Variants in TBC1D22B observed in about 807,000 individuals in gnomAD.
TBC1D22B encodes TBC1 domain family member 22B.
TBC1D22B carries 32 observed loss-of-function variants against 69.1 expected under a neutral mutation model. That is an observed-to-expected ratio of 0.46 (90% CI 0.35 to 0.62). The LOEUF (loss-of-function observed/expected upper bound fraction) is 0.62. TBC1D22B is among the 20% of genes least tolerant of loss of function. The pLI, the probability that TBC1D22B is intolerant of heterozygous loss-of-function variation, is 0.00. For missense variants in TBC1D22B, 462 were observed against 630.9 expected (o/e 0.73, Z 2.87); for synonymous variants, 206 against 229.8 (o/e 0.90, Z 0.94).
chr6:37,302,556 GAA>G lies in TBC1D22B; in HGVS notation c.983-10361_983-10360del, dbSNP rs533385657. Among the ~76,000 whole-genome samples, 117 of 152,328 alleles carry G rather than the reference GAA, an allele frequency of 7.7e-4. 1 individual carries two copies. The South Asian group carries it at 0.02, about 26-fold the overall frequency. ...CTTATGATGTTTCCTATTTTCAAAAGAAGAGTGGTGTCTGATGATATTTTTAG... is the reference window on the plus strand; with the variant it reads ...CTTATGATGTTTCCTATTTTCAAAAGGAGTGGTGTCTGATGATATTTTTAG... On this transcript the variant is annotated intron_variant, in intron 8 of 12. Coordinates refer to ENST00000373491, the MANE Select transcript of TBC1D22B (RefSeq NM_017772.4).
At chr6:37,321,471 A>C (rs1373118050) in intron 12 of TBC1D22B, among the ~76,000 whole-genome samples, 1 of 152,246 alleles carries the variant, frequency 6.6e-6, no homozygotes, top group African/African-American at 2.4e-5. Context: ...TTTAGCAACA[A>C]CAACAAAAAC....
Position 37,282,257 on chromosome 6 carries a change from C to T in TBC1D22B, c.494C>T (p.Ala165Val), listed in dbSNP as rs1313447127. ...LPLRPIIPLV[A>V]RISDQNASGA... is the part of the protein sequence containing the mutation. ...CTCCGGCCCATCATCCCCCTCGTTG[C>T]CCGGATCTCGGATCAGAACGCTTCT... Residue 165 changes from alanine to valine, a missense_variant, in exon 4 of 13, where the codon GCC (alanine) becomes GTC (valine). This residue lies in a region of TBC1D22B where 237 missense variants were observed against 255.4 expected (regional missense o/e 0.93). Transcript: ENST00000373491. The T allele has an allele frequency of 6.2e-7, 1 of 1,614,110 alleles. No individual in the cohort carries two copies. The highest frequency in any genetic ancestry group is 2.2e-5 in the East Asian group (1 of 44,900).
chr6:37,296,541 A>T (rs978074251), intron 8 of TBC1D22B, among the ~76,000 whole-genome samples: 6 of 151,770 alleles, frequency 4.0e-5, no homozygotes, highest in Non-Finnish European at 8.8e-5. Flanking sequence ...TTAGAGATAA[A>T]TTTTTGCCAC....
chr6:37,279,865 TCTC>T (rs1367986541), intron 3 of TBC1D22B, among the ~76,000 whole-genome samples: 1 of 152,200 alleles, frequency 6.6e-6, no homozygotes, highest in East Asian at 1.9e-4. Flanking sequence ...ATTCTCCTCT[TCTC>T]TTCTTCCTTT....
intron 7 of TBC1D22B, among the ~76,000 whole-genome samples, chr6:37,290,291 C>T (rs1767134905): frequency 6.6e-6 from 1 of 152,110 alleles, no homozygotes; most frequent in South Asian, 2.1e-4. Flanking sequence ...ATCACCTCTG[C>T]CATCTCTCTG....
At chr6:37,322,647 C>A (rs1768284734) in intron 12 of TBC1D22B, among the ~76,000 whole-genome samples, 1 of 152,184 alleles carries the variant, frequency 6.6e-6, no homozygotes, top group African/African-American at 2.4e-5. Context: ...TTCCCAACAC[C>A]CATTGGCAGA....
intron 1 of TBC1D22B, among the ~76,000 whole-genome samples, chr6:37,267,572 TATATATA>T (rs1424374117): frequency 2.1e-5 from 3 of 145,058 alleles, no homozygotes; most frequent in Non-Finnish European, 4.5e-5. Flanking sequence ...CACACACACA[TATATATA>T]TTCTGATAAT....
intron 8 of TBC1D22B, among the ~76,000 whole-genome samples, chr6:37,299,085 G>T (rs1767485299): frequency 6.6e-6 from 1 of 152,164 alleles, no homozygotes; most frequent in East Asian, 1.9e-4. Context: ...AGCAAAACCT[G>T]TGTATGGATG....
chr6:37,317,333 T>A, intron 12 of TBC1D22B, 127 bp downstream of exon 12: 1 of 912,180 alleles, frequency 1.1e-6, no homozygotes, highest in Admixed American at 2.1e-5. Context: ...GGAGAAGGGG[T>A]GCTCTGAAGG....
intron 10 of TBC1D22B, among the ~76,000 whole-genome samples, chr6:37,315,071 A>C (rs916229770): frequency 3.3e-5 from 5 of 152,074 alleles, no homozygotes; most frequent in Admixed American, 3.3e-4. Context: ...CTTCTGGGGG[A>C]TAAGCTGGCT....
chr6:37,282,811 C>A, intron 4 of TBC1D22B, 71 bp from the exon 5 acceptor site: 2 of 1,400,512 alleles, frequency 1.4e-6, no homozygotes, highest in Non-Finnish European at 2.0e-6. Flanking sequence ...AGACATCAGG[C>A]AGTGCTGGTT....
chr6:37,260,730 G>A (rs1766063843), intron 1 of TBC1D22B, among the ~76,000 whole-genome samples: 1 of 152,072 alleles, frequency 6.6e-6, no homozygotes, highest in Non-Finnish European at 1.5e-5. Flanking sequence ...TATATATATG[G>A]AGTAATATGA....
In TBC1D22B at chr6:37,331,186, C is replaced by T. The variant is rs1400186995; in HGVS notation, c.*14C>T. 29 of 1,613,406 alleles carry T rather than the reference C, an allele frequency of 1.8e-5. No homozygotes were observed. In the East Asian group the frequency reaches 2.2e-4, roughly 12 times the overall value. Reference sequence around the variant, plus strand: ...TACCGCCGATAGGTGCTGTCTCCTCCGGGGACCCAGACTGCCTTCATCTCT... The same window carrying T: ...TACCGCCGATAGGTGCTGTCTCCTCTGGGGACCCAGACTGCCTTCATCTCT... On this transcript the variant is annotated 3_prime_UTR_variant, in exon 13 of 13. Transcript: ENST00000373491.
chr6:37,311,818 A>G (rs190254608), intron 8 of TBC1D22B, among the ~76,000 whole-genome samples: 1 of 152,238 alleles, frequency 6.6e-6, no homozygotes, highest in Non-Finnish European at 1.5e-5. Context: ...GCTGTCTGGT[A>G]GAGAACTCAA....
Position 37,331,450 on chromosome 6 carries a change from A to C in TBC1D22B, c.*278A>C, listed in dbSNP as rs1281972060. 2 of 327,568 alleles carry C rather than the reference A, an allele frequency of 6.1e-6. No homozygotes were observed. Among genetic ancestry groups the C allele is most frequent in the East Asian group, 1.2e-4 (2 of 17,052 alleles). 20.3% of individuals were successfully genotyped at this position (327,568 alleles called of 1,614,324 possible). A position where few individuals can be genotyped will look rare whatever the true frequency, so the allele number is the denominator to read the frequency against. On this transcript the variant is annotated 3_prime_UTR_variant, in exon 13 of 13. Transcript: ENST00000373491. ...TGTCTGCCCCTTTAAAAGAAACTGGACAAAGAAGGGGAAGGCTCAGGGTCT... is the reference window on the plus strand; with the variant it reads ...TGTCTGCCCCTTTAAAAGAAACTGGCCAAAGAAGGGGAAGGCTCAGGGTCT...
At position 37,269,612 on chromosome 6, in the gene TBC1D22B, A is replaced by G; in HGVS notation, c.75A>G (p.Gly25=). ...CTTTTAGCATTCAGCCTGTATATGG[A>G]GCACAGCATCCTCCTCTTGACCCAC... ...KLPGSIQPVY[G]AQHPPLDPRL... The change falls in exon 2 of 13, where the codon GGA becomes GGG. Residue 25 remains glycine, a synonymous_variant. Coordinates refer to ENST00000373491, the MANE Select transcript of TBC1D22B (RefSeq NM_017772.4). 1 of 1,614,134 alleles carries G rather than the reference A, an allele frequency of 6.2e-7. No individual in the cohort carries two copies. The highest frequency in any genetic ancestry group is 8.5e-7 in the Non-Finnish European group (1 of 1,180,014).
In TBC1D22B at chr6:37,295,204, A is replaced by G. The variant is rs899373003; in HGVS notation, c.982+3847A>G. ...ACTGTAACCTCAAACTCCTGGGCTC[A>G]AGTGATCCTACTGCCTCAGCCTTCT... On this transcript the variant is annotated intron_variant, in intron 8 of 12. Coordinates refer to ENST00000373491, the MANE Select transcript of TBC1D22B (RefSeq NM_017772.4). Among the ~76,000 whole-genome samples the G allele has an allele frequency of 3.9e-5, 6 of 152,208 alleles. No individual in the cohort carries two copies. In the East Asian group the frequency reaches 9.6e-4, roughly 24 times the overall value.
In TBC1D22B at chr6:37,305,613, G is replaced by A. The variant is rs1350693752; in HGVS notation, c.983-7305G>A. Among the ~76,000 whole-genome samples the A allele has an allele frequency of 2.0e-5, 3 of 151,816 alleles. No homozygotes were observed. In the South Asian group the frequency reaches 6.2e-4, roughly 32 times the overall value. On this transcript the variant is annotated intron_variant, in intron 8 of 12. Transcript: ENST00000373491. ...GCTCACTGCAAGCTCTGCCTCCCGG[G>A]TTCACGCCATTCTCCTGCCTCAGCC...
chr6:37,289,521 A>G (rs1027563408), intron 7 of TBC1D22B, among the ~76,000 whole-genome samples: 2 of 152,208 alleles, frequency 1.3e-5, no homozygotes, highest in African/African-American at 2.4e-5. Context: ...AGAGAGGATG[A>G]TCACAGGTCT....
Sources: gnomAD v4.1 joint callset for allele counts (sites outside exome capture counted in the v4.1 genomes callset) on GRCh38, gnomAD v4.1.1 for gene constraint, gnomAD v4.1.1 regional missense constraint, MANE v1.5 for transcripts, NCBI Gene and HGNC (gene_info 2026-07-23, HGNC 2026-07-21) for gene names.